MED12L: variants seen among roughly 807,000 people sequenced by gnomAD.
The protein encoded by MED12L is mediator of RNA polymerase II transcription subunit 12-like protein.
In MED12L, 60 loss-of-function variants were observed where a neutral mutation model predicts 281.3. That is an observed-to-expected ratio of 0.21 (90% CI 0.17 to 0.26). MED12L has a LOEUF of 0.26. Ranked by LOEUF, MED12L falls within the 10% of genes least tolerant of loss-of-function variation. The pLI, the probability that MED12L is intolerant of heterozygous loss-of-function variation, is 1.00. For synonymous variants in MED12L, 974 were observed against 987.2 expected (o/e 0.99, Z 0.25); for missense variants, 2,146 against 2,680.9 (o/e 0.80, Z 4.41).
At chr3:151,152,085 GTTTTTTTTTT>G (rs141353889) in intron 5 of MED12L, among the ~76,000 whole-genome samples, 17 of 62,986 alleles carry the variant, frequency 2.7e-4, no homozygotes, top group African/African-American at 5.6e-4. Flanking sequence ...GTTGAAGGTG[GTTTTTTTTTT>G]TTTTTTTTTT....
At chr3:151,168,023 A>G (rs986118509) in intron 11 of MED12L, among the ~76,000 whole-genome samples, 1 of 152,182 alleles carries the variant, frequency 6.6e-6, no homozygotes, top group South Asian at 2.1e-4. Context: ...TTCAGAGTGT[A>G]TGCACTGGCT....
chr3:151,259,638 G>A (rs7618206), intron 16 of MED12L, among the ~76,000 whole-genome samples: 37,986 of 152,108 alleles, frequency 0.25, 5,070 homozygotes, highest in South Asian at 0.3. Flanking sequence ...TGAGCCTCAA[G>A]ATAGGTAGGT....
intron 39 of MED12L, among the ~76,000 whole-genome samples, chr3:151,404,745 T>C (rs1716090041): frequency 6.6e-6 from 1 of 152,212 alleles, no homozygotes; most frequent in Admixed American, 6.5e-5. Flanking sequence ...CTTGTAACCC[T>C]TAAACACTAC....
At chr3:151,344,633 T>C (rs192612834) in intron 16 of MED12L, among the ~76,000 whole-genome samples, 1 of 152,286 alleles carries the variant, frequency 6.6e-6, no homozygotes, top group East Asian at 1.9e-4. Flanking sequence ...GCATTTGAAG[T>C]AGAGCATGCA....
At position 151,319,468 on chromosome 3, in the gene MED12L, C is replaced by CGTGTGTGT. The variant is rs34335179; in HGVS notation, c.2251-30560_2251-30553dup. Among the ~76,000 whole-genome samples, 651 of 145,650 alleles carry CGTGTGTGT rather than the reference C, an allele frequency of 4.5e-3. 2 individuals carry two copies. The highest frequency in any genetic ancestry group is 0.012 in the East Asian group (60 of 4,934). On this transcript the variant is annotated intron_variant, in intron 16 of 44. Coordinates refer to ENST00000687756, the MANE Select transcript of MED12L (RefSeq NM_001393769.1). ...ACATCCAGGTGTGTGTGTGTGTGTG[C>CGTGTGTGT]GTGTGTGTGTGTGTGTGTGTGTGTG...
intron 16 of MED12L, among the ~76,000 whole-genome samples, chr3:151,263,365 CAT>C (rs1245146004): frequency 2.6e-5 from 4 of 152,284 alleles, no homozygotes; most frequent in East Asian, 1.9e-4. Context: ...TTATTACAAA[CAT>C]GTGGAACCAG....
intron 24 of MED12L, 71 bp downstream of exon 24, chr3:151,367,837 A>G (rs1755471613): frequency 3.3e-6 from 5 of 1,515,298 alleles, no homozygotes; most frequent in African/African-American, 1.4e-5. Context: ...TAACATTACA[A>G]CACAGGGAAA....
chr3:151,163,513 T>C (rs1166275720), intron 8 of MED12L, among the ~76,000 whole-genome samples: 1 of 152,156 alleles, frequency 6.6e-6, no homozygotes, highest in Non-Finnish European at 1.5e-5. Context: ...ACTTCTTTTT[T>C]TTTAGCTTTT....
chr3:151,327,140 A>G lies in MED12L; in HGVS notation c.2251-22919A>G, dbSNP rs575333352. 7 of 152,302 alleles carry G rather than the reference A, an allele frequency of 4.6e-5. No homozygotes were observed. The East Asian group carries it at 1.3e-3, about 29-fold the overall frequency. The allele number at this position is 152,302 out of a possible 1,614,324, so 9.4% of individuals were successfully genotyped here. The stretch of plus-strand genomic sequence containing the variant: ...CAGTCAAGAATATAGCTAACTAGAA[A>G]AGGGAGATCTGCATTGAGAACCCTA... On this transcript the variant is annotated intron_variant, in intron 16 of 44. Coordinates refer to ENST00000687756, the MANE Select transcript of MED12L (RefSeq NM_001393769.1).
Position 151,357,380 on chromosome 3 carries a change from G to T in MED12L, c.2825+4G>T. ...AGACAGCCCAGGTGTTTGAAGGGTT[G>T]GTATATAGCATGTCATTGTTGTTTT... On this transcript the variant is annotated splice_donor_region_variant and intron_variant, in intron 20 of 44. Transcript: ENST00000687756. 6.4e-7 allele frequency: 1 copy of T among 1,574,350 alleles called. No individual in the cohort carries two copies. The highest frequency in any genetic ancestry group is 1.9e-5 in the Admixed American group (1 of 52,750).
At chr3:151,138,852 A>G (rs555778791) in intron 5 of MED12L, among the ~76,000 whole-genome samples, 1 of 152,258 alleles carries the variant, frequency 6.6e-6, no homozygotes, top group South Asian at 2.1e-4. Flanking sequence ...CCCTTTCCAC[A>G]CTTTACTCTT....
Position 151,214,182 on chromosome 3 carries a change from C to G in MED12L, c.2250+20516C>G, listed in dbSNP as rs149897873. On this transcript the variant is annotated intron_variant, in intron 16 of 44. Transcript: ENST00000687756. Reference sequence around the variant, plus strand: ...TAGAGCTGGGCACGTAAAAGAATATCCATCCTGACACTCCATTGAGTAGGA... The same window carrying G: ...TAGAGCTGGGCACGTAAAAGAATATGCATCCTGACACTCCATTGAGTAGGA... 1.9e-6 allele frequency: 3 copies of G among 1,613,978 alleles called. No homozygotes were observed. The highest frequency in any genetic ancestry group is 1.3e-5 in the African/African-American group (1 of 74,912).
At chr3:151,188,947 CTT>C (rs3069359) in intron 13 of MED12L, among the ~76,000 whole-genome samples, 1 of 151,838 alleles carries the variant, frequency 6.6e-6, no homozygotes, top group African/African-American at 2.4e-5. Context: ...ATCTCAAGCT[CTT>C]TTTTTTGCCT....
intron 21 of MED12L, among the ~76,000 whole-genome samples, chr3:151,364,604 CT>C (rs1001447522): frequency 4.6e-5 from 7 of 152,044 alleles, no homozygotes; most frequent in African/African-American, 1.7e-4. Flanking sequence ...GTAATTGAAT[CT>C]TTTTTTATTT....
intron 20 of MED12L, among the ~76,000 whole-genome samples, chr3:151,359,835 G>A (rs1754389296): frequency 6.6e-6 from 1 of 152,144 alleles, no homozygotes; most frequent in African/African-American, 2.4e-5. Context: ...CAGCTGTGGT[G>A]TATGGACTTC....
chr3:151,338,471 C>G (rs1469081778), intron 16 of MED12L: 2 of 1,613,810 alleles, frequency 1.2e-6, no homozygotes, highest in Non-Finnish European at 1.7e-6. Context: ...GCCTGGTGGT[C>G]TTCTGGTAGC....
In MED12L at chr3:151,158,893, A is replaced by G; in HGVS notation, c.837+94A>G. On this transcript the variant is annotated intron_variant, in intron 7 of 44. Transcript: ENST00000687756. ...GTAAGTGGAAGAGGAAAAGGAAAAA[A>G]TATCCTGTTGAAATGGAAGGAAAAA... 3.7e-6 allele frequency: 3 copies of G among 808,456 alleles called. No homozygotes were observed. In the South Asian group the frequency reaches 4.8e-5, roughly 13 times the overall value. 50.1% of individuals were successfully genotyped at this position (808,456 alleles called of 1,614,324 possible).
intron 16 of MED12L, among the ~76,000 whole-genome samples, chr3:151,293,572 C>CCCGTGT: frequency 8.4e-6 from 1 of 118,670 alleles, no homozygotes; most frequent in South Asian, 3.2e-4. Flanking sequence ...TAAAATGAAG[C>CCCGTGT]CCTTACACAC....
intron 16 of MED12L, among the ~76,000 whole-genome samples, chr3:151,288,798 T>C (rs1443095748): frequency 7.2e-6 from 1 of 138,562 alleles, no homozygotes; most frequent in South Asian, 2.5e-4. Flanking sequence ...TACCACATTA[T>C]ATTAACTGTA....
Sources: allele counts gnomAD v4.1 joint callset (sites outside exome capture counted in the v4.1 genomes callset), GRCh38; gene constraint gnomAD v4.1.1; transcripts MANE v1.5; gene names NCBI Gene and HGNC (gene_info 2026-07-23, HGNC 2026-07-21).